PDZRN3: variants seen among roughly 807,000 people sequenced by gnomAD.
PDZRN3 encodes the protein E3 ubiquitin-protein ligase PDZRN3.
Under a neutral mutation model 85.7 loss-of-function variants are expected in PDZRN3, and 38 were observed. That is an observed-to-expected ratio of 0.44 (90% CI 0.34 to 0.58). The LOEUF (loss-of-function observed/expected upper bound fraction) is 0.58. Ranked by LOEUF, PDZRN3 falls within the 20% of genes least tolerant of loss-of-function variation. The pLI is 0.01. For synonymous variants in PDZRN3, 759 were observed against 638.0 expected, an observed-to-expected ratio of 1.19 and a Z score of -2.86; for missense variants, 1,629 against 1,506.4, an observed-to-expected ratio of 1.08 and a Z score of -1.35.
intron 3 of PDZRN3, among the ~76,000 whole-genome samples, chr3:73,495,163 A>C (rs78888480): frequency 0.018 from 2,789 of 152,272 alleles, 93 homozygotes; most frequent in African/African-American, 0.063. Flanking sequence ...TGTAACAATC[A>C]CTTTACCCTG....
intron 3 of PDZRN3, among the ~76,000 whole-genome samples, chr3:73,526,060 A>C (rs1704515212): frequency 6.6e-6 from 1 of 152,114 alleles, no homozygotes. Context: ...GGACTACGTG[A>C]TCTCGGCAAG....
intron 2 of PDZRN3, among the ~76,000 whole-genome samples, chr3:73,604,105 A>G (rs1702558602): frequency 6.6e-6 from 1 of 152,194 alleles, no homozygotes; most frequent in African/African-American, 2.4e-5. Context: ...CTCAAAAGGC[A>G]TCCCTGCCTA....
In PDZRN3 at chr3:73,383,288, T is replaced by G; in HGVS notation, c.*77A>C. 1 of 1,358,474 alleles carries G rather than the reference T, an allele frequency of 7.4e-7. No homozygotes were observed. Among genetic ancestry groups the G allele is most frequent in the South Asian group, 1.4e-5 (1 of 71,272 alleles). 84.2% of individuals were successfully genotyped at this position (1,358,474 alleles called of 1,614,324 possible). On this transcript the variant is annotated 3_prime_UTR_variant, in exon 10 of 10. Transcript: ENST00000263666. ...CCGTACTTATCTTATATACAAAAAC[T>G]TGCCGCATTGAACGAGGCAGGAATT...
chr3:73,565,929 C>G (rs192257011), intron 3 of PDZRN3, among the ~76,000 whole-genome samples: 1 of 151,802 alleles, frequency 6.6e-6, no homozygotes, highest in Non-Finnish European at 1.5e-5. Context: ...TTATCCTGTG[C>G]GATAAGGATT....
chr3:73,542,471 G>A (rs1389580001), intron 3 of PDZRN3, among the ~76,000 whole-genome samples: 13 of 152,104 alleles, frequency 8.5e-5, no homozygotes, highest in Admixed American at 8.5e-4. Flanking sequence ...ATAAAAAAAG[G>A]CATTTTAAGA....
chr3:73,509,075 G>A (rs770148589), intron 3 of PDZRN3, among the ~76,000 whole-genome samples: 13 of 152,226 alleles, frequency 8.5e-5, no homozygotes, highest in Admixed American at 2.6e-4. Flanking sequence ...TGGTGTTGGT[G>A]TTTAACTCTC....
chr3:73,452,839 C>CTGTGTG (rs35308043), intron 3 of PDZRN3, among the ~76,000 whole-genome samples: 3,684 of 140,698 alleles, frequency 0.026, 133 homozygotes, highest in African/African-American at 0.083. Context: ...GTCCATATAT[C>CTGTGTG]TGTGTGTGTG....
chr3:73,422,446 G>C (rs1056138456), intron 3 of PDZRN3, among the ~76,000 whole-genome samples: 1 of 152,202 alleles, frequency 6.6e-6, no homozygotes, highest in East Asian at 1.9e-4. Context: ...TTTAAAGCCT[G>C]TGCAGGATAA....
At chr3:73,524,656 C>T (rs1257035340) in intron 3 of PDZRN3, among the ~76,000 whole-genome samples, 5 of 151,750 alleles carry the variant, frequency 3.3e-5, no homozygotes, top group Non-Finnish European at 5.9e-5. Context: ...TTTTCCTAGA[C>T]GGGGCTACAG....
intron 6 of PDZRN3, 87 bp downstream of exon 6, chr3:73,390,931 T>C: frequency 1.3e-6 from 1 of 768,742 alleles, no homozygotes; most frequent in South Asian, 1.6e-5. Flanking sequence ...GAGATCTTGA[T>C]GAGGTGGGTT....
At chr3:73,492,291 A>G (rs1232623206) in intron 3 of PDZRN3, among the ~76,000 whole-genome samples, 4 of 152,146 alleles carry the variant, frequency 2.6e-5, no homozygotes, top group East Asian at 1.9e-4. Flanking sequence ...GTGGGCTTGT[A>G]TCTCCTCCTG....
In PDZRN3 at chr3:73,475,298, A is replaced by G. The variant is rs1054588727; in HGVS notation, c.919-70903T>C. On this transcript the variant is annotated intron_variant, in intron 3 of 9. Coordinates refer to ENST00000263666, the MANE Select transcript of PDZRN3 (RefSeq NM_015009.3). ...AAAGCCTCACAGATATTTACGGCAA[A>G]TACAAAACACCAAGCGTGCTGACTT... 5.9e-5 allele frequency among the ~76,000 whole-genome samples: 9 copies of G among 152,206 alleles called. 1 individual carries two copies. Among genetic ancestry groups the G allele is most frequent in the Middle Eastern group, 6.3e-3 (2 of 316 alleles).
At chr3:73,486,440 C>A (rs11128341) in intron 3 of PDZRN3, among the ~76,000 whole-genome samples, 64,969 of 151,720 alleles carry the variant, frequency 0.43, 15,553 homozygotes, top group East Asian at 0.67. Flanking sequence ...TTCTTAAAAG[C>A]CTGAAAACAG....
At chr3:73,424,661 G>C (rs2106784985) in intron 3 of PDZRN3, among the ~76,000 whole-genome samples, 1 of 151,916 alleles carries the variant, frequency 6.6e-6, no homozygotes, top group Non-Finnish European at 1.5e-5. Flanking sequence ...CCTACAACCA[G>C]GGAAGAAGAG....
intron 3 of PDZRN3, among the ~76,000 whole-genome samples, chr3:73,479,005 C>T (rs1703510683): frequency 6.6e-6 from 1 of 152,166 alleles, no homozygotes; most frequent in Non-Finnish European, 1.5e-5. Context: ...ACTTTTGCAC[C>T]AACCTAATAA....
chr3:73,502,935 T>G (rs1704008805), intron 3 of PDZRN3, among the ~76,000 whole-genome samples: 1 of 152,224 alleles, frequency 6.6e-6, no homozygotes, highest in Non-Finnish European at 1.5e-5. Flanking sequence ...ATGGTCATTT[T>G]GATCTGTTAA....
intron 3 of PDZRN3, among the ~76,000 whole-genome samples, chr3:73,450,915 A>G (rs181167620): frequency 1.3e-5 from 2 of 151,856 alleles, no homozygotes. Flanking sequence ...GATTTGGAAT[A>G]TTTCTCATGC....
At chr3:73,615,961 G>A (rs971435008) in intron 1 of PDZRN3, among the ~76,000 whole-genome samples, 1 of 152,190 alleles carries the variant, frequency 6.6e-6, no homozygotes, top group Non-Finnish European at 1.5e-5. Context: ...GGTCTAATGG[G>A]AGGTGTTTGG....
At chr3:73,422,246 A>T (rs192207371) in intron 3 of PDZRN3, among the ~76,000 whole-genome samples, 1 of 152,260 alleles carries the variant, frequency 6.6e-6, no homozygotes, top group Non-Finnish European at 1.5e-5. Context: ...AGCCTGCCCA[A>T]AGTCACTGGA....
Sources: gnomAD v4.1 joint callset for allele counts (sites outside exome capture counted in the v4.1 genomes callset) on GRCh38, gnomAD v4.1.1 for gene constraint, MANE v1.5 for transcripts, NCBI Gene and HGNC (gene_info 2026-07-23, HGNC 2026-07-21) for gene names.